VSTM2B: variants seen among roughly 807,000 people sequenced by gnomAD.
VSTM2B encodes the protein V-set and transmembrane domain-containing protein 2B.
VSTM2B carries 24 observed loss-of-function variants against 24.0 expected under a neutral mutation model. The ratio of observed to expected loss-of-function variants is 1.00; its 90% CI spans 0.72 to 1.40. VSTM2B has a LOEUF of 1.40. Among genes scored for constraint, VSTM2B ranks in the 40% most tolerant of loss-of-function variants. The probability of loss-of-function intolerance (pLI) is 0.00; values close to 1 mark genes in which losing one functional copy is unlikely to be tolerated. For synonymous variants in VSTM2B, 226 were observed against 194.4 expected, an observed-to-expected ratio of 1.16 and a Z score of -1.35; for missense variants, 399 against 416.4, an observed-to-expected ratio of 0.96 and a Z score of 0.36.
intron 4 of VSTM2B, among the ~76,000 whole-genome samples, chr19:29,548,342 T>C (rs1970197382): frequency 6.6e-6 from 1 of 152,078 alleles, no homozygotes; most frequent in Admixed American, 6.5e-5. Flanking sequence ...TCTCGTCTGC[T>C]CTCAAAGGTC....
At chr19:29,531,729 C>T (rs1451223361) in intron 4 of VSTM2B, among the ~76,000 whole-genome samples, 5 of 152,258 alleles carry the variant, frequency 3.3e-5, no homozygotes. Flanking sequence ...CACAGCCCAG[C>T]TGGGAACTTT....
Position 29,527,384 on chromosome 19 carries a change from G to C in VSTM2B, c.256G>C (p.Ala86Pro). ...LHELALSVPG[A>P]RSKVTNKDAT... ...CGAGCTGGCGCTCAGCGTGCCGGGCGCCCGGAGCAAGGTAACCCGCCGCCC... is the reference window on the plus strand; with the variant it reads ...CGAGCTGGCGCTCAGCGTGCCGGGCCCCCGGAGCAAGGTAACCCGCCGCCC... Residue 86 changes from alanine (A) to proline (P), a missense_variant, in exon 2 of 5, where the codon GCC becomes CCC. Ala to Pro is a conservative substitution (Grantham distance 27, BLOSUM62 -1). Transcript: ENST00000335523. 1.3e-6 allele frequency: 2 copies of C among 1,537,578 alleles called. No individual in the cohort carries two copies.
At chr19:29,540,768 CAG>C (rs1352495983) in intron 4 of VSTM2B, among the ~76,000 whole-genome samples, 1 of 152,114 alleles carries the variant, frequency 6.6e-6, no homozygotes, top group African/African-American at 2.4e-5. Flanking sequence ...GAGAAAGTGA[CAG>C]AGGAAGAGAC....
At chr19:29,552,445 G>C (rs887347298) in intron 4 of VSTM2B, among the ~76,000 whole-genome samples, 2 of 152,176 alleles carry the variant, frequency 1.3e-5, no homozygotes, top group African/African-American at 2.4e-5. Flanking sequence ...AGGGTGGTGC[G>C]GTGGCCCACC....
rs1363262754 is a variant in VSTM2B at position 29,530,036 on chromosome 19, G to T, written c.515G>T (p.Arg172Leu). ...TCCCACATCCAGAGCAGCGGCCCGC[G>T]TCGCCACGGCCCAGCCAGCGCCGCC... ...AVSHIQSSGP[R>L]RHGPASAANA... Residue 172 changes from arginine to leucine, a missense_variant, in exon 4 of 5, where the codon CGT (arginine) becomes CTT (leucine). Transcript: ENST00000335523. 7 of 1,527,984 alleles carry T rather than the reference G, an allele frequency of 4.6e-6. No individual in the cohort carries two copies. The highest frequency in any genetic ancestry group is 4.0e-5 in the Admixed American group (2 of 50,318). 94.7% of individuals were successfully genotyped at this position (1,527,984 alleles called of 1,614,324 possible).
chr19:29,535,011 A>G (rs1017024363), intron 4 of VSTM2B, among the ~76,000 whole-genome samples: 9 of 152,186 alleles, frequency 5.9e-5, no homozygotes, highest in African/African-American at 1.9e-4. Context: ...ACCCAAATAC[A>G]TATTTGCACT....
chr19:29,526,699 C>CG lies in VSTM2B; in HGVS notation c.82+41dup, dbSNP rs762981592. The CG allele has an allele frequency of 7.8e-5, 118 of 1,510,006 alleles. No individual in the cohort carries two copies. The highest frequency in any genetic ancestry group is 8.6e-5 in the South Asian group (7 of 81,710). The allele number at this position is 1,510,006 out of a possible 1,614,324, so 93.5% of individuals were successfully genotyped here. On this transcript the variant is annotated intron_variant, in intron 1 of 4. Transcript: ENST00000335523. This position sits in a 1 kb window ranked among gnomAD's most constrained non-coding sequence, Gnocchi z 4.1. ...GGGAACTTTGCTGCCGCTGTGGACT[C>CG]GGGGGGGTCTTTGCTGGGGCCGCCA...
At chr19:29,551,145 A>C (rs1006870147) in intron 4 of VSTM2B, among the ~76,000 whole-genome samples, 3 of 152,154 alleles carry the variant, frequency 2.0e-5, no homozygotes, top group Admixed American at 1.3e-4. Flanking sequence ...ACAGGGTAGG[A>C]GTGGCCCCTC....
intron 4 of VSTM2B, among the ~76,000 whole-genome samples, chr19:29,535,668 C>T (rs1471360180): frequency 5.9e-5 from 9 of 152,148 alleles, no homozygotes; most frequent in Non-Finnish European, 1.3e-4. Context: ...CAAAGGGGGC[C>T]GTGGGCAAGG....
rs778325421 is a variant in VSTM2B at position 29,530,320 on chromosome 19, G to A, written c.769+30G>A. ...GGGATCGCGGAGAGGGGGCGCACGC[G>A]CGGGGATGGCGCAGGGCTAGGGCTG... On this transcript the variant is annotated intron_variant, in intron 4 of 4. Coordinates refer to ENST00000335523, the MANE Select transcript of VSTM2B (RefSeq NM_001146339.2). The A allele has an allele frequency of 2.7e-5, 40 of 1,472,946 alleles. 1 individual carries two copies. In the South Asian group the frequency reaches 4.5e-4, roughly 17 times the overall value. The allele number at this position is 1,472,946 out of a possible 1,614,324, so 91.2% of individuals were successfully genotyped here.
intron 4 of VSTM2B, among the ~76,000 whole-genome samples, 153 bp downstream of exon 4, chr19:29,530,443 C>T (rs111425277): frequency 0.082 from 12,498 of 152,072 alleles, 650 homozygotes; most frequent in African/African-American, 0.14. Flanking sequence ...GCGCCCCCCC[C>T]AGGGCCTTCT....
intron 4 of VSTM2B, among the ~76,000 whole-genome samples, chr19:29,540,275 T>C (rs1319867232): frequency 6.6e-6 from 1 of 152,162 alleles, no homozygotes; most frequent in African/African-American, 2.4e-5. Flanking sequence ...CTGCCCCAGG[T>C]AGGAGCTCAT....
intron 4 of VSTM2B, among the ~76,000 whole-genome samples, chr19:29,544,115 C>CTA (rs61055716): frequency 0.082 from 12,095 of 148,134 alleles, 563 homozygotes; most frequent in African/African-American, 0.12. Flanking sequence ...ATATATATAC[C>CTA]TATATATATA....
At chr19:29,529,413 C>T (rs1464257255) in intron 3 of VSTM2B, among the ~76,000 whole-genome samples, 2 of 151,974 alleles carry the variant, frequency 1.3e-5, no homozygotes, top group Admixed American at 6.5e-5. Context: ...CGCGTCGGGG[C>T]GGGAAAGACG....
intron 2 of VSTM2B, among the ~76,000 whole-genome samples, chr19:29,527,846 A>G (rs1227067449): frequency 6.6e-6 from 1 of 152,186 alleles, no homozygotes; most frequent in Non-Finnish European, 1.5e-5. Context: ...TCCAGCCCTC[A>G]GGGGCACAGA....
chr19:29,560,702 C>A (rs75900114), intron 4 of VSTM2B, among the ~76,000 whole-genome samples: 1 of 152,202 alleles, frequency 6.6e-6, no homozygotes, highest in Non-Finnish European at 1.5e-5. Flanking sequence ...TTTCAATCAA[C>A]GGTGTTTTGA....
intron 4 of VSTM2B, among the ~76,000 whole-genome samples, chr19:29,554,552 C>T (rs888052932): frequency 1.3e-5 from 2 of 152,154 alleles, no homozygotes; most frequent in African/African-American, 4.8e-5. Flanking sequence ...ATGACAGGAT[C>T]AAATGCACAC....
chr19:29,563,281 C>A (rs951699310), intron 4 of VSTM2B, among the ~76,000 whole-genome samples: 1 of 150,006 alleles, frequency 6.7e-6, no homozygotes, highest in African/African-American at 2.5e-5. Flanking sequence ...GAGACAGAGT[C>A]TCACTCTGTC....
At chr19:29,532,915 A>G (rs1969793662) in intron 4 of VSTM2B, among the ~76,000 whole-genome samples, 1 of 152,196 alleles carries the variant, frequency 6.6e-6, no homozygotes, top group Non-Finnish European at 1.5e-5. Flanking sequence ...TGCTCACAAA[A>G]TGATAATGAG....
Sources: allele counts gnomAD v4.1 joint callset (sites outside exome capture counted in the v4.1 genomes callset), GRCh38; gene constraint gnomAD v4.1.1; non-coding constraint Gnocchi (gnomAD v3.1); transcripts MANE v1.5; gene names NCBI Gene and HGNC (gene_info 2026-07-23, HGNC 2026-07-21).